The following HDAC9 variants were observed in gnomAD, a reference collection of about 807,000 sequenced individuals.
HDAC9 encodes histone deacetylase 9, also known as MEF-2 interacting transcription repressor (MITR) protein.
HDAC9 carries 41 observed loss-of-function variants against 139.4 expected under a neutral mutation model. That is an observed-to-expected ratio of 0.29 (90% confidence interval 0.23 to 0.38). The LOEUF (loss-of-function observed/expected upper bound fraction) is 0.38, where lower values mean the gene tolerates loss of function less well. Ranked by LOEUF, HDAC9 falls within the 10% of genes least tolerant of loss-of-function variation. The probability of loss-of-function intolerance (pLI) is 1.00; values close to 1 mark genes in which losing one functional copy is unlikely to be tolerated. For missense variants in HDAC9, 1,147 were observed against 1,297.0 expected (o/e 0.88, Z 1.78); for synonymous variants, 517 against 476.2 (o/e 1.09, Z -1.12).
At chr7:18,987,877 G>A (rs1355898466) in intron 25 of HDAC9, among the ~76,000 whole-genome samples, 4 of 152,142 alleles carry the variant, frequency 2.6e-5, no homozygotes, top group Non-Finnish European at 4.4e-5. Context: ...AGTATTCTCT[G>A]ATGGTAGTTT....
intron 11 of HDAC9, among the ~76,000 whole-genome samples, chr7:18,659,878 G>A (rs372636998): frequency 1.9e-4 from 29 of 152,158 alleles, no homozygotes; most frequent in Admixed American, 5.9e-4. Context: ...ACTTTGCTAG[G>A]GGATCACCTC....
chr7:18,167,175 T>C (rs1303352280), intron 2 of HDAC9, among the ~76,000 whole-genome samples: 1 of 151,354 alleles, frequency 6.6e-6, no homozygotes, highest in African/African-American at 2.4e-5. Flanking sequence ...ATGTTAAAGT[T>C]ATTAACTATT....
intron 6 of HDAC9, among the ~76,000 whole-genome samples, chr7:18,599,766 G>T (rs1833447726): frequency 6.6e-6 from 1 of 152,098 alleles, no homozygotes; most frequent in Admixed American, 6.5e-5. Context: ...TGCAGTCTTT[G>T]TGTGGACATG....
At chr7:18,934,880 A>C (rs868290231) in intron 22 of HDAC9, among the ~76,000 whole-genome samples, 1 of 152,170 alleles carries the variant, frequency 6.6e-6, no homozygotes, top group African/African-American at 2.4e-5. Flanking sequence ...CGACAAAAAA[A>C]CTGGAATTTG....
At chr7:18,251,091 G>C (rs567165578) in intron 2 of HDAC9, among the ~76,000 whole-genome samples, 41 of 152,198 alleles carry the variant, frequency 2.7e-4, no homozygotes, top group African/African-American at 9.9e-4. Context: ...CAATAGCAAA[G>C]GCATGGAATC....
At chr7:18,803,509 C>T (rs1793470821) in intron 17 of HDAC9, among the ~76,000 whole-genome samples, 1 of 152,006 alleles carries the variant, frequency 6.6e-6, no homozygotes, top group African/African-American at 2.4e-5. Flanking sequence ...TTTTATTTAT[C>T]TATGATGTCT....
At chr7:18,422,736 ACACACGCG>A (rs1387084090) in intron 1 of HDAC9, among the ~76,000 whole-genome samples, 5 of 17,456 alleles carry the variant, frequency 2.9e-4, no homozygotes, top group South Asian at 5.4e-3. Flanking sequence ...TTTAAGACAC[ACACACGCG>A]CACACACACA....
chr7:18,330,712 AT>A (rs939932776), intron 1 of HDAC9, among the ~76,000 whole-genome samples: 1 of 151,686 alleles, frequency 6.6e-6, no homozygotes, highest in African/African-American at 2.4e-5. Context: ...CCCAGAGTGA[AT>A]TTTTGTAGCC....
At position 18,501,456 on chromosome 7, in the gene HDAC9, T is replaced by A. The variant is rs565474173; in HGVS notation, c.22+5132T>A. Among the ~76,000 whole-genome samples the A allele has an allele frequency of 3.3e-5, 5 of 152,302 alleles. No homozygotes were observed. The South Asian group carries it at 1.0e-3, about 32-fold the overall frequency. On this transcript the variant is annotated intron_variant, in intron 2 of 25. Coordinates refer to ENST00000686413, the MANE Select transcript of HDAC9 (RefSeq NM_178425.4). ...GTTTATTTAACCTTAAAGAGGTCTT[T>A]TTGGAAATAGTATCTCTTACGTTAA...
intron 1 of HDAC9, among the ~76,000 whole-genome samples, chr7:18,383,951 G>T (rs999977642): frequency 9.3e-5 from 14 of 151,080 alleles, no homozygotes; most frequent in African/African-American, 3.4e-4. Flanking sequence ...AAATTTCTTT[G>T]TCTTAAATGT....
intron 16 of HDAC9, among the ~76,000 whole-genome samples, chr7:18,786,292 G>A (rs1159184556): frequency 6.6e-6 from 1 of 152,048 alleles, no homozygotes; most frequent in Non-Finnish European, 1.5e-5. Context: ...ATAAATAGAT[G>A]TATAACTAGC....
intron 12 of HDAC9, among the ~76,000 whole-genome samples, chr7:18,708,530 G>C (rs1784108056): frequency 6.6e-6 from 1 of 152,214 alleles, no homozygotes; most frequent in African/African-American, 2.4e-5. Context: ...GTGGAAACAT[G>C]ATTATTTTGA....
rs145009110 is a variant in HDAC9, at chr7:18,715,799, C to T, written c.1732-11781C>T. 7.8e-4 allele frequency among the ~76,000 whole-genome samples: 118 copies of T among 152,008 alleles called. 1 individual carries two copies. The highest frequency in any genetic ancestry group is 2.7e-3 in the African/African-American group (112 of 41,476). On this transcript the variant is annotated intron_variant, in intron 12 of 25. Transcript: ENST00000686413. ...CCATTTTTTCTTTAAAGCTGTGTTTCGTAATATTATTTTTTAAATTAATGA... is the reference window on the plus strand; with the variant it reads ...CCATTTTTTCTTTAAAGCTGTGTTTTGTAATATTATTTTTTAAATTAATGA...
intron 12 of HDAC9, among the ~76,000 whole-genome samples, chr7:18,700,987 GTACTGC>G (rs1397826773): frequency 6.6e-6 from 1 of 152,162 alleles, no homozygotes; most frequent in African/African-American, 2.4e-5. Flanking sequence ...CTGGGTACCT[GTACTGC>G]TACCTTTACT....
At chr7:18,165,397 A>G (rs928357284) in intron 2 of HDAC9, among the ~76,000 whole-genome samples, 1 of 152,174 alleles carries the variant, frequency 6.6e-6, no homozygotes, top group Non-Finnish European at 1.5e-5. Context: ...TATAAACACA[A>G]AAACACATCA....
chr7:18,731,745 C>T (rs1786068099), intron 13 of HDAC9, among the ~76,000 whole-genome samples: 1 of 152,148 alleles, frequency 6.6e-6, no homozygotes, highest in South Asian at 2.1e-4. Context: ...CCTGCCTCAG[C>T]CTCCCTAGTA....
intron 23 of HDAC9, among the ~76,000 whole-genome samples, chr7:18,942,592 C>T (rs1782098378): frequency 6.6e-6 from 1 of 151,932 alleles, no homozygotes; most frequent in Admixed American, 6.6e-5. Flanking sequence ...TAGAAGAAAA[C>T]AAAGCTTACT....
At chr7:18,658,299 G>GA (rs1357211628) in intron 11 of HDAC9, among the ~76,000 whole-genome samples, 1 of 151,986 alleles carries the variant, frequency 6.6e-6, no homozygotes, top group Non-Finnish European at 1.5e-5. Context: ...TTGGAAGAAT[G>GA]AAAAAATGGG....
chr7:18,965,984 T>A (rs895493629), intron 24 of HDAC9, among the ~76,000 whole-genome samples: 4 of 152,190 alleles, frequency 2.6e-5, no homozygotes, highest in African/African-American at 9.6e-5. Flanking sequence ...TGTCTCAACA[T>A]CTCATCCAGA....
Sources: gnomAD v4.1 joint callset for allele counts (sites outside exome capture counted in the v4.1 genomes callset) on GRCh38, gnomAD v4.1.1 for gene constraint, MANE v1.5 for transcripts, NCBI Gene and HGNC (gene_info 2026-07-23, HGNC 2026-07-21) for gene names.